Variants in TULP4 observed in about 807,000 individuals in gnomAD.
The protein encoded by TULP4 is tubby-related protein 4.
TULP4 carries 16 observed loss-of-function variants against 129.0 expected under a neutral mutation model. The observed-to-expected ratio is 0.12, with a 90% CI of 0.08 to 0.19. TULP4 has a LOEUF of 0.19. TULP4 is among the 10% of genes least tolerant of loss of function. The probability of loss-of-function intolerance (pLI) is 1.00; values close to 1 mark genes in which losing one functional copy is unlikely to be tolerated. For missense variants in TULP4, 1,842 were observed against 2,059.1 expected, an observed-to-expected ratio of 0.89 and a Z score of 2.04; for synonymous variants, 998 against 854.0, an observed-to-expected ratio of 1.17 and a Z score of -2.94.
At chr6:158,279,321 CTAGTT>C (rs537764725), upstream of TULP4, among the ~76,000 whole-genome samples, 26 of 152,226 alleles carry the variant, frequency 1.7e-4, no homozygotes, top group Admixed American at 7.8e-4. Context: ...TTTCTACCGT[CTAGTT>C]TAAACTTTTA....
intron 13 of TULP4, among the ~76,000 whole-genome samples, chr6:158,505,602 ACG>A (rs1375466536): frequency 6.6e-6 from 1 of 152,242 alleles, no homozygotes; most frequent in African/African-American, 2.4e-5. Context: ...GCTGTGGAAC[ACG>A]CAGACTGGGG....
intron 13 of TULP4, among the ~76,000 whole-genome samples, chr6:158,505,429 C>T (rs1460842889): frequency 2.0e-5 from 3 of 152,230 alleles, no homozygotes; most frequent in Admixed American, 6.5e-5. Context: ...ACCTGAGTAT[C>T]GTCCCTGGCT....
chr6:158,334,199 G>A (rs1779981198), intron 1 of TULP4, among the ~76,000 whole-genome samples: 2 of 152,188 alleles, frequency 1.3e-5, no homozygotes, highest in Admixed American at 1.3e-4. Flanking sequence ...TGGCACTAGT[G>A]ATGCTGGAAG....
chr6:158,340,705 C>T (rs1335738599), intron 1 of TULP4, among the ~76,000 whole-genome samples: 1 of 152,160 alleles, frequency 6.6e-6, no homozygotes. Context: ...GCGCCCTGAC[C>T]ACTTGGACCC....
chr6:158,344,257 G>A (rs948403925), intron 1 of TULP4, among the ~76,000 whole-genome samples: 20 of 152,016 alleles, frequency 1.3e-4, no homozygotes, highest in Admixed American at 7.9e-4. Flanking sequence ...CTCTTTTTTC[G>A]GACTCAGCCC....
At chr6:158,377,235 C>T (rs945243970) in intron 1 of TULP4, among the ~76,000 whole-genome samples, 1 of 152,210 alleles carries the variant, frequency 6.6e-6, no homozygotes, top group African/African-American at 2.4e-5. Context: ...AGTAACATCT[C>T]TGTGGCTAAG....
At position 158,269,415 on chromosome 6, in the gene TULP4, C is replaced by T. The variant is rs1164135833; in HGVS notation, n.68+37112C>T. Reference sequence around the variant, plus strand: ...AAAAAAAAAAAGGATTTTCCTGTCTCACTGGGAGACTGAGAACATGGAGTA... The same window carrying T: ...AAAAAAAAAAAGGATTTTCCTGTCTTACTGGGAGACTGAGAACATGGAGTA... On this transcript the variant is annotated intron_variant and non_coding_transcript_variant, in intron 1 of 1. Transcript: ENST00000620026. Among the ~76,000 whole-genome samples, 7 of 150,564 alleles carry T rather than the reference C, an allele frequency of 4.6e-5. No homozygotes were observed. In the South Asian group the frequency reaches 1.5e-3, roughly 32 times the overall value.
At chr6:158,331,176 C>T (rs1297267534) in intron 1 of TULP4, among the ~76,000 whole-genome samples, 4 of 152,076 alleles carry the variant, frequency 2.6e-5, no homozygotes, top group Non-Finnish European at 5.9e-5. Flanking sequence ...AATTTCTTCC[C>T]TAGATTTATG....
chr6:158,453,682 G>C (rs1402483237), intron 5 of TULP4, among the ~76,000 whole-genome samples: 1 of 151,304 alleles, frequency 6.6e-6, no homozygotes, highest in Non-Finnish European at 1.5e-5. Context: ...CCAGCTACTC[G>C]GGAGGCTGAG....
intron 1 of TULP4, among the ~76,000 whole-genome samples, chr6:158,244,690 G>A (rs1777993646): frequency 6.6e-6 from 1 of 152,096 alleles, no homozygotes; most frequent in African/African-American, 2.4e-5. Flanking sequence ...CCAGAACTTC[G>A]AGAAATAAAT....
intron 12 of TULP4, among the ~76,000 whole-genome samples, 154 bp downstream of exon 12, chr6:158,498,966 G>T (rs1405269721): frequency 6.6e-6 from 1 of 152,190 alleles, no homozygotes; most frequent in African/African-American, 2.4e-5. Flanking sequence ...GTGATGTTGT[G>T]TCCCAGGGGA....
intron 1 of TULP4, among the ~76,000 whole-genome samples, chr6:158,339,938 A>G (rs1029169944): frequency 1.3e-5 from 2 of 152,228 alleles, no homozygotes; most frequent in African/African-American, 4.8e-5. Flanking sequence ...GAAGTGATAA[A>G]TGTCCATGAA....
intron 1 of TULP4, among the ~76,000 whole-genome samples, chr6:158,259,797 A>T (rs1331678700): frequency 6.6e-6 from 1 of 152,194 alleles, no homozygotes; most frequent in Non-Finnish European, 1.5e-5. Flanking sequence ...TAATTTGCTA[A>T]AACAACTCAC....
rs528842260 is a variant in TULP4 at position 158,468,902 on chromosome 6, C to T, written c.1026+7173C>T. On this transcript the variant is annotated intron_variant, in intron 6 of 13. Transcript: ENST00000367097. ...TCTTTTATAAGGGCACTAATCCCAT[C>T]GTGAGGGTGGAGGCCTTATGACTTA... 2.2e-4 allele frequency among the ~76,000 whole-genome samples: 33 copies of T among 152,288 alleles called. No homozygotes were observed. The East Asian group carries it at 6.4e-3, about 29-fold the overall frequency.
chr6:158,415,994 C>T (rs1014562547), intron 2 of TULP4, among the ~76,000 whole-genome samples: 8 of 152,120 alleles, frequency 5.3e-5, no homozygotes, highest in African/African-American at 1.2e-4. Flanking sequence ...AGTCTGTGGC[C>T]GAAGGTCCAA....
intron 3 of TULP4, among the ~76,000 whole-genome samples, chr6:158,436,080 C>T (rs1208775628): frequency 1.3e-5 from 2 of 152,126 alleles, no homozygotes; most frequent in African/African-American, 4.8e-5. Flanking sequence ...CCATGCCTGG[C>T]TAATTTTCGT....
chr6:158,433,428 A>G (rs544037766), intron 3 of TULP4, among the ~76,000 whole-genome samples: 131 of 152,330 alleles, frequency 8.6e-4, no homozygotes, highest in African/African-American at 2.8e-3. Flanking sequence ...TGTAAAAACA[A>G]AAGTTGCTAG....
At chr6:158,387,503 A>C (rs1468689508) in intron 1 of TULP4, among the ~76,000 whole-genome samples, 1 of 152,224 alleles carries the variant, frequency 6.6e-6, no homozygotes, top group African/African-American at 2.4e-5. Context: ...TTAAAGCATA[A>C]TTTAAGTAGC....
chr6:158,433,700 C>G (rs1390847785), intron 3 of TULP4, among the ~76,000 whole-genome samples: 1 of 152,136 alleles, frequency 6.6e-6, no homozygotes, highest in Non-Finnish European at 1.5e-5. Flanking sequence ...GAGGGAAACT[C>G]TGTCTCAAAA....
Sources: allele counts gnomAD v4.1 joint callset (sites outside exome capture counted in the v4.1 genomes callset), GRCh38; gene constraint gnomAD v4.1.1; transcripts MANE v1.5; gene names NCBI Gene and HGNC (gene_info 2026-07-23, HGNC 2026-07-21).